The following MAGI1 variants were observed in gnomAD, a reference collection of about 807,000 sequenced individuals.
The protein encoded by MAGI1 is membrane-associated guanylate kinase, WW and PDZ domain-containing protein 1.
MAGI1 carries 58 observed loss-of-function variants against 139.9 expected under a neutral mutation model. The observed-to-expected ratio is 0.41, with a 90% CI of 0.34 to 0.52. The LOEUF (loss-of-function observed/expected upper bound fraction) is 0.52. MAGI1 is among the 20% of genes least tolerant of loss of function. The probability of loss-of-function intolerance (pLI) is 0.12; values close to 1 mark genes in which losing one functional copy is unlikely to be tolerated. For synonymous variants in MAGI1, 812 were observed against 737.9 expected (o/e 1.10, Z -1.63); for missense variants, 1,874 against 1,901.6 (o/e 0.99, Z 0.27).
chr3:65,364,834 GA>G lies in MAGI1; in HGVS notation c.3290+18del, dbSNP rs1559893766. The G allele has an allele frequency of 6.2e-7, 1 of 1,613,522 alleles. No individual in the cohort carries two copies. The highest frequency in any genetic ancestry group is 1.7e-5 in the Admixed American group (1 of 59,994). ...GTTACTTTTTTCCCCTTTAACAAAG[GA>G]AACCAGTCATGTCTGACCTTGTCTC... On this transcript the variant is annotated intron_variant, in intron 19 of 22. Transcript: ENST00000402939.
At chr3:65,584,270 C>T (rs1434872867) in intron 2 of MAGI1, among the ~76,000 whole-genome samples, 1 of 152,130 alleles carries the variant, frequency 6.6e-6, no homozygotes, top group Non-Finnish European at 1.5e-5. Context: ...ATTGGTGAGG[C>T]TCTGACAGTA....
intron 2 of MAGI1, among the ~76,000 whole-genome samples, chr3:65,504,127 T>A (rs527397162): frequency 6.4e-4 from 97 of 152,336 alleles, no homozygotes; most frequent in Admixed American, 9.2e-4. Context: ...CCAGTCTTGA[T>A]CCAGCTCTGC....
chr3:65,856,019 G>C (rs1056824299), intron 1 of MAGI1, among the ~76,000 whole-genome samples: 1 of 152,096 alleles, frequency 6.6e-6, no homozygotes, highest in African/African-American at 2.4e-5. Flanking sequence ...CTTGATGATG[G>C]ATGTATTTTA....
At chr3:65,511,787 G>C (rs1458928522) in intron 2 of MAGI1, among the ~76,000 whole-genome samples, 1 of 145,050 alleles carries the variant, frequency 6.9e-6, no homozygotes, top group East Asian at 2.1e-4. Context: ...ATTGAACTCA[G>C]CTCTGCACCA....
At chr3:65,417,050 A>G (rs1946270502) in intron 12 of MAGI1, among the ~76,000 whole-genome samples, 1 of 152,210 alleles carries the variant, frequency 6.6e-6, no homozygotes, top group African/African-American at 2.4e-5. Context: ...ACTCTGTCTC[A>G]GATAACGGTT....
chr3:65,431,792 C>T (rs1165241764), intron 10 of MAGI1, among the ~76,000 whole-genome samples: 1 of 151,682 alleles, frequency 6.6e-6, no homozygotes, highest in Non-Finnish European at 1.5e-5. Flanking sequence ...TCAAAACCAA[C>T]CTGGCCAACA....
At position 65,357,025 on chromosome 3, in the gene MAGI1, G is replaced by T; in HGVS notation, c.3742C>A (p.Pro1248Thr). The change falls in exon 23 of 23, where the codon CCC becomes ACC. Residue 1248 changes from proline to threonine, a missense_variant. Pro to Thr is a conservative substitution (Grantham distance 38). Around this residue, in one of 5 missense-constraint regions of MAGI1, gnomAD observed 653 missense variants for 644.5 expected, o/e 1.01. Coordinates refer to ENST00000402939, the MANE Select transcript of MAGI1 (RefSeq NM_001033057.2). ...TGTGGTGATGATTTGTGAAGATCGGGTGGGTAACTGGACTCCAATGACGGA... is the reference window on the plus strand; with the variant it reads ...TGTGGTGATGATTTGTGAAGATCGGTTGGGTAACTGGACTCCAATGACGGA... ...QHPSLESSYP[P>T]DLHKSSPHGE... The T allele has an allele frequency of 1.2e-6, 2 of 1,614,196 alleles. No individual in the cohort carries two copies. The highest frequency in any genetic ancestry group is 8.5e-7 in the Non-Finnish European group (1 of 1,180,036).
At chr3:65,423,931 A>G (rs902371987) in intron 12 of MAGI1, among the ~76,000 whole-genome samples, 3 of 152,236 alleles carry the variant, frequency 2.0e-5, no homozygotes, top group South Asian at 2.1e-4. Flanking sequence ...TTTATACCAA[A>G]TTAAGCTGTG....
intron 10 of MAGI1, among the ~76,000 whole-genome samples, chr3:65,436,763 T>C (rs1947884423): frequency 6.6e-6 from 1 of 152,012 alleles, no homozygotes; most frequent in Non-Finnish European, 1.5e-5. Flanking sequence ...CTGGGGACAA[T>C]TTCCTTGTCA....
At position 65,416,559 on chromosome 3, in the gene MAGI1, A is replaced by G. The variant is rs181233263; in HGVS notation, c.2167+12961T>C. ...TCCTTCACGGCACTCCTCTATAATG[A>G]GAGAATAGCACGGTGCTAAAGTTTG... On this transcript the variant is annotated intron_variant, in intron 12 of 22. Transcript: ENST00000402939. Among the ~76,000 whole-genome samples, 6 of 152,336 alleles carry G rather than the reference A, an allele frequency of 3.9e-5. No homozygotes were observed. In the East Asian group the frequency reaches 1.2e-3, roughly 29 times the overall value.
At chr3:65,518,212 A>C (rs936991789) in intron 2 of MAGI1, among the ~76,000 whole-genome samples, 1 of 152,074 alleles carries the variant, frequency 6.6e-6, no homozygotes, top group Non-Finnish European at 1.5e-5. Context: ...TCTGACCCTA[A>C]CTAAAGTAGA....
Position 65,422,413 on chromosome 3 carries a change from C to T in MAGI1, c.2167+7107G>A, listed in dbSNP as rs149117687. 2.4e-3 allele frequency among the ~76,000 whole-genome samples: 370 copies of T among 152,166 alleles called. 1 individual carries two copies. Among genetic ancestry groups the T allele is most frequent in the African/African-American group, 8.5e-3 (353 of 41,514 alleles). On this transcript the variant is annotated intron_variant, in intron 12 of 22. Coordinates refer to ENST00000402939, the MANE Select transcript of MAGI1 (RefSeq NM_001033057.2). The stretch of plus-strand genomic sequence containing the variant: ...CACAGCTATGGCAAACAAACAGACC[C>T]GGGTTCAGAGTCAGGATCTGTCACT...
At chr3:65,362,215 G>T (rs1940940060) in intron 21 of MAGI1, among the ~76,000 whole-genome samples, 1 of 152,072 alleles carries the variant, frequency 6.6e-6, no homozygotes. Flanking sequence ...CTACCAAGCT[G>T]CTGGCATCAA....
intron 2 of MAGI1, among the ~76,000 whole-genome samples, chr3:65,610,753 G>GTATATATATATATATATATACTA (rs57217002): frequency 8.1e-6 from 1 of 123,220 alleles, no homozygotes; most frequent in Admixed American, 8.4e-5. Flanking sequence ...TATATATACA[G>GTATATATATATATATATATACTA]TATATATATA....
intron 1 of MAGI1, among the ~76,000 whole-genome samples, chr3:65,771,354 C>T (rs912622991): frequency 1.3e-5 from 2 of 151,908 alleles, no homozygotes; most frequent in Middle Eastern, 3.4e-3. Context: ...CAAATATCAG[C>T]TCAGATAGTA....
intron 5 of MAGI1, among the ~76,000 whole-genome samples, chr3:65,454,558 A>AAC (rs368786306): frequency 7.1e-6 from 1 of 140,546 alleles, no homozygotes; most frequent in Non-Finnish European, 1.5e-5. Context: ...ATAATAATAA[A>AAC]AAAATACTTG....
At chr3:65,810,110 T>C (rs1284873566) in intron 1 of MAGI1, among the ~76,000 whole-genome samples, 1 of 152,218 alleles carries the variant, frequency 6.6e-6, no homozygotes, top group African/African-American at 2.4e-5. Flanking sequence ...AGTACATGAA[T>C]TTATCCATCA....
rs558491290 is a variant in MAGI1, at chr3:65,921,975, T to C, written c.313+116021A>G. On this transcript the variant is annotated intron_variant, in intron 1 of 22. Transcript: ENST00000402939. Reference sequence around the variant, plus strand: ...ACACACTACACAAAAGGAAAGAATATACAAAATGCATTTTGGTTAGATATG... The same window carrying C: ...ACACACTACACAAAAGGAAAGAATACACAAAATGCATTTTGGTTAGATATG... Among the ~76,000 whole-genome samples, 153 of 150,894 alleles carry C rather than the reference T, an allele frequency of 1.0e-3. 1 individual carries two copies. In the Middle Eastern group the frequency reaches 0.01, roughly 10 times the overall value.
At chr3:65,900,117 C>T (rs1400038799) in intron 1 of MAGI1, among the ~76,000 whole-genome samples, 3 of 152,072 alleles carry the variant, frequency 2.0e-5, no homozygotes, top group Admixed American at 2.0e-4. Context: ...GCTTTCTACA[C>T]TAATGGATTT....
Sources: allele counts gnomAD v4.1 joint callset (sites outside exome capture counted in the v4.1 genomes callset), GRCh38; gene constraint gnomAD v4.1.1; regional missense constraint gnomAD v4.1.1; transcripts MANE v1.5; gene names NCBI Gene and HGNC (gene_info 2026-07-23, HGNC 2026-07-21).